The following CRK variants were observed in gnomAD, a reference collection of about 807,000 sequenced individuals.
CRK encodes the protein adapter molecule crk.
A neutral mutation model predicts 29.8 loss-of-function variants in CRK; 4 were observed. That is an observed-to-expected ratio of 0.13 (90% CI 0.07 to 0.31). The LOEUF (loss-of-function observed/expected upper bound fraction) is 0.31. Ranked by LOEUF, CRK falls within the 10% of genes least tolerant of loss-of-function variation. The pLI, the probability that CRK is intolerant of heterozygous loss-of-function variation, is 1.00. For synonymous variants in CRK, 153 were observed against 164.9 expected (o/e 0.93, Z 0.55); for missense variants, 274 against 396.5 (o/e 0.69, Z 2.62).
rs183931575 is a variant in CRK, at chr17:1,423,019, C to A, written c.*494G>T. On this transcript the variant is annotated 3_prime_UTR_variant, in exon 3 of 3. Transcript: ENST00000300574. ...ATCTGAAATGTCAGAATGAGTCACA[C>A]GCTGGTCATGCTCCATACAATGAAA... The A allele has an allele frequency of 2.5e-6, 1 of 399,208 alleles. No homozygotes were observed. The highest frequency in any genetic ancestry group is 4.4e-5 in the Admixed American group (1 of 22,724). The allele number at this position is 399,208 out of a possible 1,614,324, so 24.7% of individuals were successfully genotyped here. A position where few individuals can be genotyped will look rare whatever the true frequency, so the allele number is the denominator to read the frequency against.
At chr17:1,454,099 G>A (rs11078445) in intron 1 of CRK, among the ~76,000 whole-genome samples, 53,000 of 151,674 alleles carry the variant, frequency 0.35, 9,664 homozygotes, top group Non-Finnish European at 0.4. Context: ...CAGCTACTCA[G>A]GAGGCTGAGG....
intron 1 of CRK, among the ~76,000 whole-genome samples, chr17:1,447,076 G>A (rs1316845642): frequency 6.6e-6 from 1 of 152,148 alleles, no homozygotes; most frequent in African/African-American, 2.4e-5. Context: ...CCAAACTCCA[G>A]AAGGAAGGGA....
chr17:1,428,973 G>A (rs191242408), intron 2 of CRK, among the ~76,000 whole-genome samples: 1 of 151,466 alleles, frequency 6.6e-6, no homozygotes, highest in Non-Finnish European at 1.5e-5. Context: ...AGCCTCCTGA[G>A]TAGCTGGGAT....
In CRK at chr17:1,423,460, G is replaced by GAA. The variant is rs76288901; in HGVS notation, c.*51_*52dup. 742 of 1,277,438 alleles carry GAA rather than the reference G, an allele frequency of 5.8e-4. No individual in the cohort carries two copies. Among genetic ancestry groups the GAA allele is most frequent in the East Asian group, 3.2e-3 (124 of 39,124 alleles). 79.1% of individuals were successfully genotyped at this position (1,277,438 alleles called of 1,614,324 possible). A position where few individuals can be genotyped will look rare whatever the true frequency, so the allele number is the denominator to read the frequency against. On this transcript the variant is annotated 3_prime_UTR_variant, in exon 3 of 3. Coordinates refer to ENST00000300574, the MANE Select transcript of CRK (RefSeq NM_016823.4). ...AAGAAAATTGTATAGATGGCAGTTG[G>GAA]AAAAAAAAAAAAAAGATTGTTCCCA... is the stretch of plus-strand genomic sequence containing the variant.
rs2073746250 is a variant in CRK at position 1,423,373 on chromosome 17, A to G, written c.*140T>C. 3 of 1,031,166 alleles carry G rather than the reference A, an allele frequency of 2.9e-6. No homozygotes were observed. Among genetic ancestry groups the G allele is most frequent in the South Asian group, 3.4e-5 (2 of 59,192 alleles). 63.9% of individuals were successfully genotyped at this position (1,031,166 alleles called of 1,614,324 possible). Reference sequence around the variant, plus strand: ...ATTAAGACTAGGAATGGAGCAGTTCAGTCTAAAAAATATCACAGGTAACAG... The same window carrying G: ...ATTAAGACTAGGAATGGAGCAGTTCGGTCTAAAAAATATCACAGGTAACAG... On this transcript the variant is annotated 3_prime_UTR_variant, in exon 3 of 3. Coordinates refer to ENST00000300574, the MANE Select transcript of CRK (RefSeq NM_016823.4).
chr17:1,423,742 T>A, intron 2 of CRK, 92 bp from the exon 3 acceptor site: 2 of 1,517,720 alleles, frequency 1.3e-6, no homozygotes, highest in African/African-American at 2.7e-5. Flanking sequence ...CCTGCCCATG[T>A]GACTGCTCTA....
At chr17:1,427,775 A>C (rs1434312767) in intron 2 of CRK, among the ~76,000 whole-genome samples, 1 of 151,302 alleles carries the variant, frequency 6.6e-6, no homozygotes, top group African/African-American at 2.4e-5. Flanking sequence ...GACGACAAGC[A>C]CAAGCCACCA....
At chr17:1,448,363 G>A (rs1425630145) in intron 1 of CRK, among the ~76,000 whole-genome samples, 5 of 152,026 alleles carry the variant, frequency 3.3e-5, no homozygotes, top group African/African-American at 1.2e-4. Context: ...GGGGGTTCAC[G>A]CCTGTAATCC....
intron 2 of CRK, chr17:1,426,238 GCA>G: frequency 6.6e-6 from 1 of 152,490 alleles, no homozygotes; most frequent in African/African-American, 2.4e-5. Context: ...TGCCGGCTGA[GCA>G]CACGTGTGGA....
chr17:1,423,013 G>T lies in CRK; in HGVS notation c.*500C>A. 1 of 399,340 alleles carries T rather than the reference G, an allele frequency of 2.5e-6. No individual in the cohort carries two copies. The highest frequency in any genetic ancestry group is 4.4e-6 in the Non-Finnish European group (1 of 226,404). The allele number at this position is 399,340 out of a possible 1,614,324, so 24.7% of individuals were successfully genotyped here. On this transcript the variant is annotated 3_prime_UTR_variant, in exon 3 of 3. Transcript: ENST00000300574. Reference sequence around the variant, plus strand: ...CTTAGGATCTGAAATGTCAGAATGAGTCACACGCTGGTCATGCTCCATACA... The same window carrying T: ...CTTAGGATCTGAAATGTCAGAATGATTCACACGCTGGTCATGCTCCATACA...
At chr17:1,428,698 A>G (rs959420302) in intron 2 of CRK, among the ~76,000 whole-genome samples, 1 of 145,670 alleles carries the variant, frequency 6.9e-6, no homozygotes, top group Non-Finnish European at 1.5e-5. Flanking sequence ...TAATTTTTGT[A>G]TTTATAGTAG....
intron 1 of CRK, among the ~76,000 whole-genome samples, chr17:1,449,370 CA>C (rs1393508996): frequency 1.3e-5 from 2 of 152,138 alleles, no homozygotes; most frequent in Non-Finnish European, 2.9e-5. Context: ...CATTTTGCTT[CA>C]AAAGCCCCCA....
At position 1,446,840 on chromosome 17, in the gene CRK, G is replaced by A. The variant is rs191915441; in HGVS notation, c.241+9037C>T. Among the ~76,000 whole-genome samples, 17 of 152,076 alleles carry A rather than the reference G, an allele frequency of 1.1e-4. No individual in the cohort carries two copies. In the East Asian group the frequency reaches 3.1e-3, roughly 28 times the overall value. ...GATCTCCTGACCTCGTGATCCGCCC[G>A]CCTCGGCCTCCCAAAGTGCTGGGAT... On this transcript the variant is annotated intron_variant, in intron 1 of 2. Transcript: ENST00000300574.
At chr17:1,450,626 T>G (rs34457140) in intron 1 of CRK, among the ~76,000 whole-genome samples, 64,944 of 151,946 alleles carry the variant, frequency 0.43, 14,647 homozygotes, top group South Asian at 0.55. Flanking sequence ...CTCACACCTG[T>G]AATCCCAGCA....
At chr17:1,425,526 C>A (rs1455109797) in intron 2 of CRK, among the ~76,000 whole-genome samples, 2 of 152,194 alleles carry the variant, frequency 1.3e-5, no homozygotes, top group East Asian at 3.8e-4. Flanking sequence ...TCCCGAGTAG[C>A]TGAGACTACA....
chr17:1,430,132 C>A (rs1363886348), intron 2 of CRK, among the ~76,000 whole-genome samples: 4 of 151,458 alleles, frequency 2.6e-5, no homozygotes, highest in African/African-American at 9.7e-5. Flanking sequence ...GCAACCTCCA[C>A]CTCCCGGGTT....
intron 2 of CRK, among the ~76,000 whole-genome samples, chr17:1,425,831 T>G (rs1379088654): frequency 2.0e-5 from 3 of 151,984 alleles, no homozygotes; most frequent in South Asian, 4.2e-4. Context: ...GGTCATAGGA[T>G]GCTGAGAAAA....
rs1221581058 is a variant in CRK at position 1,432,481 on chromosome 17, A to AAC, written c.777+4138_777+4139insGT. On this transcript the variant is annotated intron_variant, in intron 2 of 2. Coordinates refer to ENST00000300574, the MANE Select transcript of CRK (RefSeq NM_016823.4). The stretch of plus-strand genomic sequence containing the variant: ...GACAGAGTGAGACCTTGTCTTAAAA[A>AAC]AAAAAAAAAAAAAAGGCCAGGCGCG... Among the ~76,000 whole-genome samples, 5 of 128,712 alleles carry AAC rather than the reference A, an allele frequency of 3.9e-5. 1 individual carries two copies. Among genetic ancestry groups the AAC allele is most frequent in the Admixed American group, 2.3e-4 (3 of 13,096 alleles). 84.4% of individuals were successfully genotyped at this position (128,712 alleles called of 152,430 possible).
Position 1,423,159 on chromosome 17 carries a change from A to T in CRK, c.*354T>A. 2.3e-6 allele frequency: 1 copy of T among 441,280 alleles called. No homozygotes were observed. Among genetic ancestry groups the T allele is most frequent in the Non-Finnish European group, 4.0e-6 (1 of 251,746 alleles). The allele number at this position is 441,280 out of a possible 1,614,324, so 27.3% of individuals were successfully genotyped here. A position where few individuals can be genotyped will look rare whatever the true frequency, so the allele number is the denominator to read the frequency against. On this transcript the variant is annotated 3_prime_UTR_variant, in exon 3 of 3. Transcript: ENST00000300574. The stretch of plus-strand genomic sequence containing the variant: ...AGAATGAAAACAAAACCACTGAATA[A>T]ATCAGGGTAAGCAGTGTGTAACACT...
Sources: allele counts gnomAD v4.1 joint callset (sites outside exome capture counted in the v4.1 genomes callset), GRCh38; gene constraint gnomAD v4.1.1; transcripts MANE v1.5; gene names NCBI Gene and HGNC (gene_info 2026-07-23, HGNC 2026-07-21).